AP1S3: variants seen among roughly 807,000 people sequenced by gnomAD.
AP1S3 encodes adaptor related protein complex 1 subunit sigma 3.
Under a neutral mutation model 20.9 loss-of-function variants are expected in AP1S3, and 10 were observed. The ratio of observed to expected loss-of-function variants is 0.48; its 90% CI spans 0.29 to 0.81. AP1S3 has a LOEUF of 0.81. Ranked by LOEUF, AP1S3 falls within the 30% of genes least tolerant of loss-of-function variation. AP1S3 has a pLI of 0.08. For missense variants in AP1S3, 154 were observed against 183.8 expected (o/e 0.84, Z 0.94); for synonymous variants, 41 against 61.5 (o/e 0.67, Z 1.56).
chr2:223,819,180 G>A (rs1351152779), intron 1 of AP1S3, among the ~76,000 whole-genome samples: 4 of 152,102 alleles, frequency 2.6e-5, no homozygotes, highest in East Asian at 3.9e-4. Flanking sequence ...CCAAAACCAC[G>A]CCCAGCCCTG....
intron 1 of AP1S3, among the ~76,000 whole-genome samples, chr2:223,803,474 T>C (rs961157955): frequency 1.3e-5 from 2 of 152,154 alleles, no homozygotes; most frequent in Non-Finnish European, 2.9e-5. Flanking sequence ...CTTAGGATGG[T>C]GGTAAAGGTG....
At chr2:223,825,823 C>T (rs1484914820) in intron 1 of AP1S3, among the ~76,000 whole-genome samples, 1 of 151,980 alleles carries the variant, frequency 6.6e-6, no homozygotes, top group Non-Finnish European at 1.5e-5. Context: ...TTGAGACCAG[C>T]CTGGCCAACA....
chr2:223,755,922 G>T lies in AP1S3; in HGVS notation c.*2793C>A. 3.0e-6 allele frequency: 3 copies of T among 985,422 alleles called. No individual in the cohort carries two copies. The highest frequency in any genetic ancestry group is 3.6e-6 in the Non-Finnish European group (3 of 829,936). 61.0% of individuals were successfully genotyped at this position (985,422 alleles called of 1,614,324 possible). Reference sequence around the variant, plus strand: ...TCTAATATGGAATTATCCAGAACATGTGTAGTATATTTGAATGAGGTTCAA... The same window carrying T: ...TCTAATATGGAATTATCCAGAACATTTGTAGTATATTTGAATGAGGTTCAA... On this transcript the variant is annotated 3_prime_UTR_variant, in exon 5 of 5. Transcript: ENST00000396654.
intron 4 of AP1S3, among the ~76,000 whole-genome samples, chr2:223,764,367 A>G (rs924213865): frequency 1.7e-4 from 26 of 152,140 alleles, no homozygotes; most frequent in Non-Finnish European, 4.4e-5. Flanking sequence ...CCCTCAGAGC[A>G]TCTCATTTGG....
At chr2:223,791,257 C>T (rs590790) in intron 1 of AP1S3, among the ~76,000 whole-genome samples, 147,517 of 152,324 alleles carry the variant, frequency 0.97, 71,483 homozygotes, top group East Asian at 1. Context: ...ACAATATCCT[C>T]GATGAACATC....
chr2:223,763,156 C>T (rs1226129564), intron 4 of AP1S3, among the ~76,000 whole-genome samples: 6 of 152,146 alleles, frequency 3.9e-5, no homozygotes, highest in African/African-American at 1.2e-4. Flanking sequence ...GAGAGGGTGG[C>T]CATGACATTG....
chr2:223,773,614 G>A (rs868298523), intron 3 of AP1S3, among the ~76,000 whole-genome samples: 1 of 152,080 alleles, frequency 6.6e-6, no homozygotes, highest in Admixed American at 6.6e-5. Flanking sequence ...AAAAAAGGGA[G>A]GGAGGAAAAA....
chr2:223,795,632 G>A (rs1018100617), intron 1 of AP1S3, among the ~76,000 whole-genome samples: 1 of 152,130 alleles, frequency 6.6e-6, no homozygotes, highest in Admixed American at 6.5e-5. Flanking sequence ...TAGCTTGATT[G>A]TTAAGTGGGA....
At chr2:223,758,916 T>C (rs1361437764) in intron 4 of AP1S3, among the ~76,000 whole-genome samples, 166 bp from the exon 5 acceptor site, 1 of 152,250 alleles carries the variant, frequency 6.6e-6, no homozygotes, top group East Asian at 1.9e-4. Context: ...TTGAGTATAA[T>C]TTGTATACAC....
At chr2:223,779,037 G>A (rs1454460034) in intron 1 of AP1S3, among the ~76,000 whole-genome samples, 1 of 152,098 alleles carries the variant, frequency 6.6e-6, no homozygotes, top group Non-Finnish European at 1.5e-5. Context: ...CACGCTACTT[G>A]GCTGAGAGCT....
intron 1 of AP1S3, among the ~76,000 whole-genome samples, chr2:223,787,749 A>AAC (rs34596037): frequency 0.1 from 15,337 of 151,370 alleles, 1,036 homozygotes; most frequent in Non-Finnish European, 0.15. Context: ...ATGCATATGC[A>AAC]ACACACACAC....
intron 1 of AP1S3, among the ~76,000 whole-genome samples, chr2:223,804,671 CCATGTT>C (rs1040422248): frequency 4.0e-5 from 6 of 151,656 alleles, no homozygotes; most frequent in African/African-American, 1.5e-4. Context: ...TTGCAGTGAG[CCATGTT>C]CATGCCACTG....
chr2:223,802,082 A>G (rs1574713012), intron 1 of AP1S3, among the ~76,000 whole-genome samples: 1 of 152,176 alleles, frequency 6.6e-6, no homozygotes, highest in East Asian at 1.9e-4. Flanking sequence ...AGGAACTTAG[A>G]AAAGATTGTT....
intron 3 of AP1S3, among the ~76,000 whole-genome samples, chr2:223,773,673 C>G (rs1690684926): frequency 6.6e-6 from 1 of 151,988 alleles, no homozygotes; most frequent in African/African-American, 2.4e-5. Flanking sequence ...AGTGTTGCAA[C>G]AAATCTGATA....
intron 1 of AP1S3, among the ~76,000 whole-genome samples, chr2:223,825,270 G>C (rs1960031): frequency 0.14 from 20,816 of 150,502 alleles, 2,003 homozygotes; most frequent in East Asian, 0.41. Flanking sequence ...CTGAGATCGC[G>C]CCACTGCACT....
intron 1 of AP1S3, 27 bp downstream of exon 1, chr2:223,837,421 C>T (rs1692431159): frequency 1.6e-6 from 2 of 1,221,014 alleles, no homozygotes; most frequent in Admixed American, 4.2e-5. Context: ...CACCGCCTAC[C>T]CGGGCCGGCG....
chr2:223,793,229 C>A (rs2106104797), intron 1 of AP1S3, among the ~76,000 whole-genome samples: 1 of 152,248 alleles, frequency 6.6e-6, no homozygotes, highest in Admixed American at 6.5e-5. Context: ...TGGGTATATA[C>A]CCAAAGGAAT....
At chr2:223,805,885 C>T (rs1360822998) in intron 1 of AP1S3, among the ~76,000 whole-genome samples, 1 of 152,148 alleles carries the variant, frequency 6.6e-6, no homozygotes, top group African/African-American at 2.4e-5. Flanking sequence ...TGTGCCTTCA[C>T]TAGGCTGAGT....
intron 4 of AP1S3, among the ~76,000 whole-genome samples, chr2:223,759,404 G>A (rs4673076): frequency 0.19 from 28,475 of 152,102 alleles, 4,649 homozygotes; most frequent in African/African-American, 0.41. Context: ...ATCCAGGTAC[G>A]TGTATTAGAG....
Sources: allele counts gnomAD v4.1 joint callset (sites outside exome capture counted in the v4.1 genomes callset), GRCh38; gene constraint gnomAD v4.1.1; transcripts MANE v1.5; gene names NCBI Gene and HGNC (gene_info 2026-07-23, HGNC 2026-07-21).